MSH3: variants seen among roughly 807,000 people sequenced by gnomAD.
MSH3 encodes the protein DNA mismatch repair protein Msh3.
In MSH3, 106 loss-of-function variants were observed where a neutral mutation model predicts 123.3. That is an observed-to-expected ratio of 0.86 (90% confidence interval 0.73 to 1.01). The LOEUF (loss-of-function observed/expected upper bound fraction) is 1.01, where lower values mean the gene tolerates loss of function less well. Ranked by LOEUF, MSH3 falls within the 50% of genes least tolerant of loss-of-function variation. The probability of loss-of-function intolerance (pLI) is 0.00; values close to 1 mark genes in which losing one functional copy is unlikely to be tolerated. For missense variants in MSH3, 1,459 were observed against 1,347.6 expected, an observed-to-expected ratio of 1.08 and a Z score of -1.29; for synonymous variants, 515 against 481.4, an observed-to-expected ratio of 1.07 and a Z score of -0.91.
At chr5:80,759,022 G>A (rs376708138) in intron 12 of MSH3, among the ~76,000 whole-genome samples, 7 of 152,194 alleles carry the variant, frequency 4.6e-5, no homozygotes, top group African/African-American at 1.7e-4. Flanking sequence ...TAAAACATTG[G>A]TTTATTTTAT....
In MSH3 at chr5:80,756,523, A is replaced by T. The variant is rs6151768; in HGVS notation, c.1764-5023A>T. On this transcript the variant is annotated intron_variant, in intron 12 of 23. Transcript: ENST00000265081. ...TCCATTTTCCACTAATCTTTTATAG[A>T]CAATAGCTAATCTTTTACTCAATAG... 4.3e-3 allele frequency among the ~76,000 whole-genome samples: 657 copies of T among 152,242 alleles called. 9 individuals carry two copies. Among genetic ancestry groups the T allele is most frequent in the South Asian group, 0.012 (60 of 4,826 alleles).
chr5:80,837,957 G>T (rs1745546541), intron 20 of MSH3, among the ~76,000 whole-genome samples: 1 of 152,180 alleles, frequency 6.6e-6, no homozygotes, highest in African/African-American at 2.4e-5. Context: ...CCAGCTGTAG[G>T]CTGGGGACTG....
At chr5:80,824,680 A>G (rs954643542) in intron 20 of MSH3, among the ~76,000 whole-genome samples, 1 of 152,202 alleles carries the variant, frequency 6.6e-6, no homozygotes, top group African/African-American at 2.4e-5. Context: ...CAGGTCTACC[A>G]TGTTTCTTTA....
intron 20 of MSH3, among the ~76,000 whole-genome samples, chr5:80,829,251 C>G (rs1745377543): frequency 6.6e-6 from 1 of 152,198 alleles, no homozygotes; most frequent in African/African-American, 2.4e-5. Context: ...ATTGCATTAA[C>G]TAGTACTTCC....
intron 20 of MSH3, among the ~76,000 whole-genome samples, chr5:80,842,764 G>A (rs1326982236): frequency 6.6e-6 from 1 of 152,166 alleles, no homozygotes; most frequent in African/African-American, 2.4e-5. Context: ...TGTATCCTGA[G>A]ACTTTGCTGA....
In MSH3 at chr5:80,743,567, G is replaced by A. The variant is rs1262437313; in HGVS notation, c.1654-939G>A. Among the ~76,000 whole-genome samples, 7 of 9,022 alleles carry A rather than the reference G, an allele frequency of 7.8e-4. 3 individuals carry two copies. The highest frequency in any genetic ancestry group is 1.5e-3 in the Non-Finnish European group (7 of 4,680). 5.9% of individuals were successfully genotyped at this position (9,022 alleles called of 152,430 possible). A position where few individuals can be genotyped will look rare whatever the true frequency, so the allele number is the denominator to read the frequency against. ...AAGAAAGGATTAAAAAAACCCGGCC[G>A]GGCGCGGTGGCTCACGCCTGTAATC... On this transcript the variant is annotated intron_variant, in intron 11 of 23. Transcript: ENST00000265081.
rs149901900 is a variant in MSH3 at position 80,858,646 on chromosome 5, A to G, written c.3000+4330A>G. 9.2e-5 allele frequency among the ~76,000 whole-genome samples: 14 copies of G among 152,186 alleles called. No individual in the cohort carries two copies. The East Asian group carries it at 2.5e-3, about 27-fold the overall frequency. ...CCCAAAATGTGGTCTTTCTTGGTGAATGTTCCATGTTAGCTTGAGATGAAT... is the reference window on the plus strand; with the variant it reads ...CCCAAAATGTGGTCTTTCTTGGTGAGTGTTCCATGTTAGCTTGAGATGAAT... On this transcript the variant is annotated intron_variant, in intron 21 of 23. Coordinates refer to ENST00000265081, the MANE Select transcript of MSH3 (RefSeq NM_002439.5).
chr5:80,803,347 ATATGCCTGTTGTTTG>A (rs1282446451), intron 19 of MSH3, among the ~76,000 whole-genome samples: 1 of 151,980 alleles, frequency 6.6e-6, no homozygotes, highest in Non-Finnish European at 1.5e-5. Context: ...GCACCTGTTC[ATATGCCTGTTGTTTG>A]TATGCCTTCG....
At chr5:80,661,179 GT>G (rs1282002663) in intron 2 of MSH3, among the ~76,000 whole-genome samples, 2 of 152,090 alleles carry the variant, frequency 1.3e-5, no homozygotes, top group Non-Finnish European at 2.9e-5. Flanking sequence ...GAGTCTGTGG[GT>G]TTATAGGTCT....
intron 22 of MSH3, among the ~76,000 whole-genome samples, chr5:80,867,425 G>A (rs1011770616): frequency 5.9e-5 from 9 of 152,122 alleles, no homozygotes; most frequent in African/African-American, 2.2e-4. Flanking sequence ...TCTCATGATT[G>A]CCTCATTGCA....
chr5:80,728,128 C>T (rs1227913186), intron 9 of MSH3, among the ~76,000 whole-genome samples: 1 of 152,064 alleles, frequency 6.6e-6, no homozygotes, highest in African/African-American at 2.4e-5. Flanking sequence ...AGGGCTTTGA[C>T]CTCTACTCTT....
At chr5:80,692,801 GTA>G (rs1459941246) in intron 8 of MSH3, among the ~76,000 whole-genome samples, 1 of 123,380 alleles carries the variant, frequency 8.1e-6, no homozygotes, top group Non-Finnish European at 1.7e-5. Context: ...ACATACACAT[GTA>G]TATGTTTAGA....
chr5:80,823,983 G>A (rs1230915151), intron 20 of MSH3, among the ~76,000 whole-genome samples: 1 of 152,192 alleles, frequency 6.6e-6, no homozygotes. Flanking sequence ...AGTGGACACA[G>A]CACATGTTTC....
chr5:80,729,135 G>T (rs544200350), intron 10 of MSH3, among the ~76,000 whole-genome samples, 170 bp downstream of exon 10: 148 of 152,182 alleles, frequency 9.7e-4, no homozygotes, highest in Admixed American at 7.2e-4. Context: ...AAATATATTG[G>T]CTGGGCACGG....
At chr5:80,825,312 C>G (rs1745274844) in intron 20 of MSH3, among the ~76,000 whole-genome samples, 1 of 152,168 alleles carries the variant, frequency 6.6e-6, no homozygotes, top group African/African-American at 2.4e-5. Context: ...TGAAACAATG[C>G]ATGGAAGTAT....
intron 19 of MSH3, among the ~76,000 whole-genome samples, chr5:80,809,299 G>C (rs1022469595): frequency 1.3e-5 from 2 of 151,962 alleles, no homozygotes; most frequent in African/African-American, 4.8e-5. Flanking sequence ...ACTCTAAATG[G>C]TATTATAATA....
In MSH3 at chr5:80,854,327, G is replaced by A. The variant is rs775234860; in HGVS notation, c.3000+11G>A. The A allele has an allele frequency of 1.2e-5, 19 of 1,607,646 alleles. No individual in the cohort carries two copies. The highest frequency in any genetic ancestry group is 8.9e-5 in the East Asian group (4 of 44,812). ...TATTTCATCAGAGATGTAAGTATCC[G>A]GTAAACTGTATTTAAAAAGAAATTA... On this transcript the variant is annotated intron_variant, in intron 21 of 23. Coordinates refer to ENST00000265081, the MANE Select transcript of MSH3 (RefSeq NM_002439.5).
intron 8 of MSH3, among the ~76,000 whole-genome samples, chr5:80,713,391 A>G (rs1213014421): frequency 6.6e-6 from 1 of 152,096 alleles, no homozygotes; most frequent in Non-Finnish European, 1.5e-5. Context: ...TTAAAATTAG[A>G]AGCTTTAATT....
Position 80,807,728 on chromosome 5 carries a change from C to A in MSH3, c.2656-5856C>A, listed in dbSNP as rs184273685. Among the ~76,000 whole-genome samples, 183 of 152,330 alleles carry A rather than the reference C, an allele frequency of 1.2e-3. 1 individual carries two copies. The highest frequency in any genetic ancestry group is 4.3e-3 in the African/African-American group (177 of 41,584). On this transcript the variant is annotated intron_variant, in intron 19 of 23. Coordinates refer to ENST00000265081, the MANE Select transcript of MSH3 (RefSeq NM_002439.5). The stretch of plus-strand genomic sequence containing the variant: ...ATTTTGGAGTCATGGGTAGCCAGAG[C>A]CTATCCTGGCAGTGCAGGGCACCAG...
Sources: gnomAD v4.1 joint callset for allele counts (sites outside exome capture counted in the v4.1 genomes callset) on GRCh38, gnomAD v4.1.1 for gene constraint, MANE v1.5 for transcripts, NCBI Gene and HGNC (gene_info 2026-07-23, HGNC 2026-07-21) for gene names.